PKD1L1: variants seen among roughly 807,000 people sequenced by gnomAD.
PKD1L1 encodes the protein polycystin 1 like 1, transient receptor potential channel interacting.
Under a neutral mutation model 323.4 loss-of-function variants are expected in PKD1L1, and 236 were observed. The observed-to-expected ratio is 0.73, with a 90% CI of 0.66 to 0.81. The LOEUF (loss-of-function observed/expected upper bound fraction) is 0.81, where lower values mean the gene tolerates loss of function less well. PKD1L1 is among the 40% of genes least tolerant of loss of function. The pLI is 0.00. For synonymous variants in PKD1L1, 1,344 were observed against 1,335.0 expected, an observed-to-expected ratio of 1.01 and a Z score of -0.15; for missense variants, 3,320 against 3,508.0, an observed-to-expected ratio of 0.95 and a Z score of 1.35.
At chr7:47,780,299 C>T (rs990268874) in intron 56 of PKD1L1, among the ~76,000 whole-genome samples, 2 of 152,118 alleles carry the variant, frequency 1.3e-5, no homozygotes, top group African/African-American at 4.8e-5. Flanking sequence ...TCCTGGCAAC[C>T]ACGAACTGCT....
At chr7:47,901,479 C>T (rs1400626714) in intron 13 of PKD1L1, among the ~76,000 whole-genome samples, 6 of 152,082 alleles carry the variant, frequency 3.9e-5, no homozygotes, top group South Asian at 2.1e-4. Flanking sequence ...AGAGTCAGGA[C>T]GGGAGCCAGA....
At position 47,853,876 on chromosome 7, in the gene PKD1L1, G is replaced by A. The variant is rs369029951; in HGVS notation, c.4860-649C>T. 4.3e-4 allele frequency among the ~76,000 whole-genome samples: 66 copies of A among 151,880 alleles called. 1 individual carries two copies. The highest frequency in any genetic ancestry group is 1.6e-3 in the African/African-American group (65 of 41,364). ...ATAAGACAAACAGCACTGGCTACACGTGGTTAGGGAGGGGCACTGCAGCAC... is the reference window on the plus strand; with the variant it reads ...ATAAGACAAACAGCACTGGCTACACATGGTTAGGGAGGGGCACTGCAGCAC... On this transcript the variant is annotated intron_variant, in intron 30 of 56. Coordinates refer to ENST00000289672, the MANE Select transcript of PKD1L1 (RefSeq NM_138295.5).
chr7:47,779,716 G>A (rs1423039694), intron 56 of PKD1L1, among the ~76,000 whole-genome samples: 1 of 152,182 alleles, frequency 6.6e-6, no homozygotes, highest in Non-Finnish European at 1.5e-5. Flanking sequence ...AACATATGGT[G>A]CGGGGCCCAC....
At chr7:47,932,421 G>A (rs1440632755) in intron 4 of PKD1L1, among the ~76,000 whole-genome samples, 1 of 152,244 alleles carries the variant, frequency 6.6e-6, no homozygotes. Context: ...ACATACTGTG[G>A]TGCAGTGACT....
At chr7:47,795,906 T>C in intron 55 of PKD1L1, 83 bp downstream of exon 55, 3 of 1,481,894 alleles carry the variant, frequency 2.0e-6, no homozygotes. Context: ...CATGCTTTGA[T>C]AACTGAAAGC....
chr7:47,864,731 G>GT (rs1336247183), intron 26 of PKD1L1, among the ~76,000 whole-genome samples: 3 of 107,580 alleles, frequency 2.8e-5, no homozygotes, highest in African/African-American at 1.1e-4. Flanking sequence ...CTTTCCTTTC[G>GT]TTTTTTTGAT....
intron 49 of PKD1L1, among the ~76,000 whole-genome samples, chr7:47,812,838 T>A (rs954276279): frequency 2.0e-5 from 3 of 152,260 alleles, no homozygotes; most frequent in Admixed American, 2.0e-4. Context: ...AAGGTCAGCA[T>A]GCAACAAATG....
chr7:47,881,839 A>G lies in PKD1L1; in HGVS notation c.3442+70T>C, dbSNP rs73333660. On this transcript the variant is annotated intron_variant, in intron 20 of 56. Transcript: ENST00000289672. ...TCTAGTAAAACGAAAAGTTCAGAAG[A>G]AATTGAGGGCTGATATCTAAAAGCT... 4,173 of 1,445,268 alleles carry G rather than the reference A, an allele frequency of 2.9e-3. 112 individuals are homozygous for G. The African/African-American group carries it at 0.053, about 18-fold the overall frequency. 89.5% of individuals were successfully genotyped at this position (1,445,268 alleles called of 1,614,324 possible).
chr7:47,808,164 T>C, intron 52 of PKD1L1, 83 bp downstream of exon 52: 2 of 1,521,434 alleles, frequency 1.3e-6, no homozygotes, highest in South Asian at 1.2e-5. Context: ...TCTCGCACCT[T>C]CTAGAGTTTG....
intron 34 of PKD1L1, among the ~76,000 whole-genome samples, chr7:47,842,214 T>G (rs1785576308): frequency 6.6e-6 from 1 of 152,218 alleles, no homozygotes; most frequent in South Asian, 2.1e-4. Context: ...AAATATACAG[T>G]TGGTAGACGA....
intron 22 of PKD1L1, 142 bp downstream of exon 22, chr7:47,877,347 T>C (rs1238356867): frequency 1.6e-6 from 2 of 1,238,924 alleles, no homozygotes; most frequent in African/African-American, 3.0e-5. Context: ...CCTAACCAAC[T>C]TTCCAACATT....
chr7:47,800,833 A>C lies in PKD1L1; in HGVS notation c.8009T>G (p.Phe2670Cys). 6.2e-7 allele frequency: 1 copy of C among 1,614,074 alleles called. No homozygotes were observed. Among genetic ancestry groups the C allele is most frequent in the Admixed American group, 1.7e-5 (1 of 60,008 alleles). The change falls in exon 54 of 57, where the codon TTT becomes TGT. Residue 2670 changes from phenylalanine to cysteine, a missense_variant. Coordinates refer to ENST00000289672, the MANE Select transcript of PKD1L1 (RefSeq NM_138295.5). ...TGGTAGAACCCACATAGAGAGCAGA[A>C]ATCGGTGCAGGTGGGAGAGGGCGGC... ...MLAALSHLHR[F>C]LLSMWVLPPG...
At position 47,929,270 on chromosome 7, in the gene PKD1L1, C is replaced by A. The variant is rs777144385; in HGVS notation, c.994G>T (p.Val332Phe). 6.8e-6 allele frequency: 11 copies of A among 1,614,176 alleles called. No homozygotes were observed. The South Asian group carries it at 1.2e-4, about 18-fold the overall frequency. Residue 332 changes from valine (V) to phenylalanine (F), a missense_variant, in exon 7 of 57, where the codon GTT becomes TTT. Transcript: ENST00000289672. The stretch of plus-strand genomic sequence containing the variant: ...GACATGTTGTGTAGCCTCATTTCAA[C>A]CCCAGAACTGTCCCCGAAATCCATC... ...LMMDFGDSSGVEMRLHNMSEA... is the reference protein window; with the variant it reads ...LMMDFGDSSGFEMRLHNMSEA...
intron 55 of PKD1L1, 34 bp downstream of exon 55, chr7:47,795,955 A>C: frequency 6.3e-7 from 1 of 1,597,288 alleles, no homozygotes; most frequent in Non-Finnish European, 8.5e-7. Context: ...AGTGTGTGCT[A>C]TCATGCTCAG....
chr7:47,804,469 A>ATTTTTTTTTT (rs71966592), intron 52 of PKD1L1, among the ~76,000 whole-genome samples: 2 of 123,044 alleles, frequency 1.6e-5, no homozygotes, highest in East Asian at 2.4e-4. Flanking sequence ...TACATTTTTA[A>ATTTTTTTTTT]TTTTTTTTTT....
At chr7:47,831,832 C>A (rs1785354655) in intron 41 of PKD1L1, among the ~76,000 whole-genome samples, 3 of 152,232 alleles carry the variant, frequency 2.0e-5, no homozygotes, top group Admixed American at 6.5e-5. Context: ...CCCCAAACAA[C>A]TAAGCAGGCT....
intron 26 of PKD1L1, among the ~76,000 whole-genome samples, chr7:47,863,116 C>G (rs1462232656): frequency 1.3e-5 from 2 of 152,110 alleles, no homozygotes; most frequent in African/African-American, 4.8e-5. Context: ...ACAGATGGGA[C>G]TTCTTTATAA....
intron 18 of PKD1L1, among the ~76,000 whole-genome samples, chr7:47,885,062 C>G (rs1343517524): frequency 6.6e-6 from 1 of 152,162 alleles, no homozygotes; most frequent in African/African-American, 2.4e-5. Context: ...CACAAGAATG[C>G]CCTGCTGCAA....
At position 47,857,731 on chromosome 7, in the gene PKD1L1, C is replaced by G. The variant is rs1259166574; in HGVS notation, c.4464G>C (p.Gln1488His). The G allele has an allele frequency of 6.2e-7, 1 of 1,614,052 alleles. No individual in the cohort carries two copies. The highest frequency in any genetic ancestry group is 1.1e-5 in the South Asian group (1 of 91,072). Residue 1488 changes from glutamine (Q) to histidine (H), a missense_variant, in exon 28 of 57, where the codon CAG becomes CAC. Gln to His is a conservative substitution (Grantham distance 24). Coordinates refer to ENST00000289672, the MANE Select transcript of PKD1L1 (RefSeq NM_138295.5). ...QSSVQSLGSV[Q>H]VHLPGDLAGH... The stretch of plus-strand genomic sequence containing the variant: ...CAGCAAGGTCACCAGGTAAATGCAC[C>G]TGGACAGATCCCAGGCTCTGGACAG...
Sources: allele counts gnomAD v4.1 joint callset (sites outside exome capture counted in the v4.1 genomes callset), GRCh38; gene constraint gnomAD v4.1.1; transcripts MANE v1.5; gene names NCBI Gene and HGNC (gene_info 2026-07-23, HGNC 2026-07-21).